The following POFUT2 variants were observed in gnomAD, a reference collection of about 807,000 sequenced individuals.
POFUT2 encodes GDP-fucose protein O-fucosyltransferase 2.
POFUT2 carries 30 observed loss-of-function variants against 55.0 expected under a neutral mutation model. That is an observed-to-expected ratio of 0.55 (90% CI 0.41 to 0.74). The LOEUF (loss-of-function observed/expected upper bound fraction) is 0.74. Ranked by LOEUF, POFUT2 falls within the 30% of genes least tolerant of loss-of-function variation. POFUT2 has a pLI of 0.00. For synonymous variants in POFUT2, 267 were observed against 231.1 expected, an observed-to-expected ratio of 1.16 and a Z score of -1.41; for missense variants, 524 against 562.6, an observed-to-expected ratio of 0.93 and a Z score of 0.69.
rs890371332 is a variant in POFUT2, at chr21:45,264,515, G to C, written c.*967C>G. ...GATTTCTGTAAAATGGGTACAAGGA[G>C]CTCCCTGATAAAGCAGCTCATCCTA... On this transcript the variant is annotated 3_prime_UTR_variant, in exon 9 of 9. Coordinates refer to ENST00000349485, the MANE Select transcript of POFUT2 (RefSeq NM_133635.6). 5 of 152,238 alleles carry C rather than the reference G, an allele frequency of 3.3e-5. No homozygotes were observed. Among genetic ancestry groups the C allele is most frequent in the African/African-American group, 1.2e-4 (5 of 41,436 alleles). The allele number at this position is 152,238 out of a possible 1,614,324, so 9.4% of individuals were successfully genotyped here.
chr21:45,283,029 A>G, intron 3 of POFUT2: 1 of 418,718 alleles, frequency 2.4e-6, no homozygotes, highest in Non-Finnish European at 4.9e-6. Flanking sequence ...TCCAGGCCTC[A>G]GCACAAAGGG....
chr21:45,286,436 T>C (rs1054573222), intron 1 of POFUT2, among the ~76,000 whole-genome samples: 2 of 152,284 alleles, frequency 1.3e-5, no homozygotes, highest in African/African-American at 2.4e-5. Flanking sequence ...ATGTTCTTAA[T>C]TTTTGCAAAT....
Position 45,282,274 on chromosome 21 carries a change from A to C in POFUT2, c.638+75T>G. The C allele has an allele frequency of 1.0e-6, 1 of 954,112 alleles. No individual in the cohort carries two copies. The highest frequency in any genetic ancestry group is 1.7e-6 in the Non-Finnish European group (1 of 599,858). The allele number at this position is 954,112 out of a possible 1,614,324, so 59.1% of individuals were successfully genotyped here. A position where few individuals can be genotyped will look rare whatever the true frequency, so the allele number is the denominator to read the frequency against. ...GCCAGGGATGCGGGAGTATGGGCGG[A>C]GAGCCCCCAGCCCAGCATGCACGGA... On this transcript the variant is annotated intron_variant, in intron 4 of 8. Transcript: ENST00000349485. This position sits in a 1 kb window ranked among gnomAD's most constrained non-coding sequence, Gnocchi z 4.6.
At position 45,282,214 on chromosome 21, in the gene POFUT2, G is replaced by C. The variant is rs1432887844; in HGVS notation, c.638+135C>G. On this transcript the variant is annotated intron_variant, in intron 4 of 8. Transcript: ENST00000349485. The surrounding 1 kb of genome is among the most constrained non-coding windows in gnomAD (Gnocchi z 4.6). ...GCACTTCCCTAACCACCACCCCCCA[G>C]GGCCCCCAGGGTCCGCTGTCTGTGA... 4.6e-6 allele frequency: 3 copies of C among 647,086 alleles called. No individual in the cohort carries two copies. Among genetic ancestry groups the C allele is most frequent in the Non-Finnish European group, 8.1e-6 (3 of 368,810 alleles). 40.1% of individuals were successfully genotyped at this position (647,086 alleles called of 1,614,324 possible).
At chr21:45,272,953 G>GAA (rs771621285) in intron 6 of POFUT2, among the ~76,000 whole-genome samples, 3 of 152,024 alleles carry the variant, frequency 2.0e-5, no homozygotes, top group Non-Finnish European at 4.4e-5. Context: ...AAATCTGAAA[G>GAA]AGCACAGACA....
At position 45,282,709 on chromosome 21, in the gene POFUT2, C is replaced by T. The variant is rs2030838214; in HGVS notation, c.528-250G>A. Reference sequence around the variant, plus strand: ...GGGGCTGGCGGGATGGCCGGGGAGGCAGAGGGAGCCGGACAGAGGCAGCCC... The same window carrying T: ...GGGGCTGGCGGGATGGCCGGGGAGGTAGAGGGAGCCGGACAGAGGCAGCCC... On this transcript the variant is annotated intron_variant, in intron 3 of 8. Coordinates refer to ENST00000349485, the MANE Select transcript of POFUT2 (RefSeq NM_133635.6). The surrounding 1 kb of genome is among the most constrained non-coding windows in gnomAD (Gnocchi z 4.6). 1 of 541,932 alleles carries T rather than the reference C, an allele frequency of 1.8e-6. No individual in the cohort carries two copies. Among genetic ancestry groups the T allele is most frequent in the Non-Finnish European group, 3.5e-6 (1 of 288,002 alleles). 33.6% of individuals were successfully genotyped at this position (541,932 alleles called of 1,614,324 possible). A position where few individuals can be genotyped will look rare whatever the true frequency, so the allele number is the denominator to read the frequency against.
In POFUT2 at chr21:45,286,148, T is replaced by G. The variant is rs1482183328; in HGVS notation, c.132-220A>C. Among the ~76,000 whole-genome samples, 9 of 152,202 alleles carry G rather than the reference T, an allele frequency of 5.9e-5. No homozygotes were observed. In the East Asian group the frequency reaches 1.7e-3, roughly 29 times the overall value. ...CTAACATCGTTTTAACAATTAGCAA[T>G]AGTTCAACACTAAGGCAGAGGAATC... On this transcript the variant is annotated intron_variant, in intron 1 of 8. Transcript: ENST00000349485.
rs780011745 is a variant in POFUT2, at chr21:45,267,477, A to C, written c.1136+113T>G. 3 of 1,614,046 alleles carry C rather than the reference A, an allele frequency of 1.9e-6. No homozygotes were observed. In the African/African-American group the frequency reaches 4.0e-5, roughly 22 times the overall value. On this transcript the variant is annotated intron_variant, in intron 8 of 8. Coordinates refer to ENST00000349485, the MANE Select transcript of POFUT2 (RefSeq NM_133635.6). This position sits in a 1 kb window ranked among gnomAD's most constrained non-coding sequence, Gnocchi z 4.4. ...CAGACGAGGAGGCAAACAGTATGGA[A>C]ATGACCACTGTGAACACAGGCGACC... is the stretch of plus-strand genomic sequence containing the variant.
At position 45,267,048 on chromosome 21, in the gene POFUT2, T is replaced by C; in HGVS notation, c.1136+542A>G. On this transcript the variant is annotated intron_variant, in intron 8 of 8. Coordinates refer to ENST00000349485, the MANE Select transcript of POFUT2 (RefSeq NM_133635.6). This position sits in a 1 kb window ranked among gnomAD's most constrained non-coding sequence, Gnocchi z 4.4. ...GCTCACGGCAGCCCCACGAGAATGA[T>C]CACACGAGGGCCCACGCTCCCGGCC... is the stretch of plus-strand genomic sequence containing the variant. 9.5e-7 allele frequency: 1 copy of C among 1,056,852 alleles called. No individual in the cohort carries two copies. Among genetic ancestry groups the C allele is most frequent in the South Asian group, 2.9e-5 (1 of 34,576 alleles). 65.5% of individuals were successfully genotyped at this position (1,056,852 alleles called of 1,614,324 possible).
In POFUT2 at chr21:45,282,805, T is replaced by G. The variant is rs2030851888; in HGVS notation, c.528-346A>C. On this transcript the variant is annotated intron_variant, in intron 3 of 8. Coordinates refer to ENST00000349485, the MANE Select transcript of POFUT2 (RefSeq NM_133635.6). The surrounding 1 kb of genome is among the most constrained non-coding windows in gnomAD (Gnocchi z 4.6). ...ACCGCGCCCTTCCCAAGAGCTCACC[T>G]GCCATGCTTTAGAGCCAGCTGCCCT... 1 of 493,452 alleles carries G rather than the reference T, an allele frequency of 2.0e-6. No homozygotes were observed. Among genetic ancestry groups the G allele is most frequent in the Non-Finnish European group, 4.1e-6 (1 of 242,842 alleles). The allele number at this position is 493,452 out of a possible 1,614,324, so 30.6% of individuals were successfully genotyped here.
In POFUT2 at chr21:45,265,943, A is replaced by G. The variant is rs2093149671; in HGVS notation, c.1137-308T>C. 1 of 1,264,476 alleles carries G rather than the reference A, an allele frequency of 7.9e-7. No homozygotes were observed. Among genetic ancestry groups the G allele is most frequent in the African/African-American group, 1.5e-5 (1 of 65,496 alleles). 78.3% of individuals were successfully genotyped at this position (1,264,476 alleles called of 1,614,324 possible). On this transcript the variant is annotated intron_variant, in intron 8 of 8. Coordinates refer to ENST00000349485, the MANE Select transcript of POFUT2 (RefSeq NM_133635.6). The surrounding 1 kb of genome is among the most constrained non-coding windows in gnomAD (Gnocchi z 4.6). ...CTGGGAGCCCTCCTCTCCGTCACCAAATCCCAGGCCAGGCACGCCAGTGCA... is the reference window on the plus strand; with the variant it reads ...CTGGGAGCCCTCCTCTCCGTCACCAGATCCCAGGCCAGGCACGCCAGTGCA...
In POFUT2 at chr21:45,285,748, C is replaced by A. The variant is rs932962360; in HGVS notation, c.312G>T (p.Trp104Cys). The A allele has an allele frequency of 1.9e-6, 3 of 1,613,734 alleles. No homozygotes were observed. Residue 104 changes from tryptophan to cysteine, a missense_variant, in exon 2 of 9, where the codon TGG becomes TGT. Around this residue, in one of 2 missense-constraint regions of POFUT2, gnomAD observed 274 missense variants for 244.4 expected, o/e 1.12. Coordinates refer to ENST00000349485, the MANE Select transcript of POFUT2 (RefSeq NM_133635.6). The surrounding 1 kb of genome is among the most constrained non-coding windows in gnomAD (Gnocchi z 4.9). ...SPDIHQVRIPWSEFFDLPSLN... is the reference protein window; with the variant it reads ...SPDIHQVRIPCSEFFDLPSLN... ...GACTTGGAAGATCAAAAAACTCAGACCAGGGAATCCGGACCTGGTGGATGT... is the reference window on the plus strand; with the variant it reads ...GACTTGGAAGATCAAAAAACTCAGAACAGGGAATCCGGACCTGGTGGATGT...
intron 2 of POFUT2, 122 bp from the exon 3 acceptor site, chr21:45,283,649 T>A: frequency 9.7e-7 from 1 of 1,029,122 alleles, no homozygotes; most frequent in African/African-American, 1.6e-5. Flanking sequence ...AAAGGGAGTG[T>A]AGGAGGCTCA....
intron 6 of POFUT2, among the ~76,000 whole-genome samples, chr21:45,272,511 C>A (rs1368946607): frequency 6.6e-6 from 1 of 152,202 alleles, no homozygotes; most frequent in Non-Finnish European, 1.5e-5. Context: ...GACAGAAAGC[C>A]AACAAAGAAA....
intron 1 of POFUT2, among the ~76,000 whole-genome samples, 200 bp from the exon 2 acceptor site, chr21:45,286,128 A>G (rs1301699932): frequency 6.6e-6 from 1 of 152,240 alleles, no homozygotes; most frequent in East Asian, 1.9e-4. Context: ...ACATGCTAAC[A>G]TCGTTTTAAC....
Position 45,267,805 on chromosome 21 carries a change from T to C in POFUT2, c.1013-92A>G. 1 of 1,143,776 alleles carries C rather than the reference T, an allele frequency of 8.7e-7. No homozygotes were observed. 70.9% of individuals were successfully genotyped at this position (1,143,776 alleles called of 1,614,324 possible). ...AGCAGACAGACATGCGTACTTGGCT[T>C]CTGGTTAATTCGTTAGGAACTGGCT... On this transcript the variant is annotated intron_variant, in intron 7 of 8. Coordinates refer to ENST00000349485, the MANE Select transcript of POFUT2 (RefSeq NM_133635.6). This position sits in a 1 kb window ranked among gnomAD's most constrained non-coding sequence, Gnocchi z 4.4.
Position 45,270,086 on chromosome 21 carries a change from G to A in POFUT2, c.832-67C>T. Reference sequence around the variant, plus strand: ...GCTCGGGGCTCATCCTGGGCACCGGGTGGGACTCGAGACGCAGAGGGATGA... The same window carrying A: ...GCTCGGGGCTCATCCTGGGCACCGGATGGGACTCGAGACGCAGAGGGATGA... On this transcript the variant is annotated intron_variant, in intron 6 of 8. Transcript: ENST00000349485. The surrounding 1 kb of genome is among the most constrained non-coding windows in gnomAD (Gnocchi z 4.6). The A allele has an allele frequency of 8.2e-6, 11 of 1,334,328 alleles. No individual in the cohort carries two copies. The highest frequency in any genetic ancestry group is 1.1e-5 in the Non-Finnish European group (11 of 1,003,480). 82.7% of individuals were successfully genotyped at this position (1,334,328 alleles called of 1,614,324 possible). A position where few individuals can be genotyped will look rare whatever the true frequency, so the allele number is the denominator to read the frequency against.
At chr21:45,268,250 G>T (rs1343274033) in intron 7 of POFUT2, among the ~76,000 whole-genome samples, 1 of 152,278 alleles carries the variant, frequency 6.6e-6, no homozygotes, top group Non-Finnish European at 1.5e-5. Flanking sequence ...CTCCCGAGGT[G>T]CTGGGATTGC....
At position 45,267,339 on chromosome 21, in the gene POFUT2, C is replaced by A; in HGVS notation, c.1136+251G>T. The A allele has an allele frequency of 6.6e-7, 1 of 1,525,266 alleles. No individual in the cohort carries two copies. Among genetic ancestry groups the A allele is most frequent in the South Asian group, 1.3e-5 (1 of 76,396 alleles). 94.5% of individuals were successfully genotyped at this position (1,525,266 alleles called of 1,614,324 possible). A position where few individuals can be genotyped will look rare whatever the true frequency, so the allele number is the denominator to read the frequency against. On this transcript the variant is annotated intron_variant, in intron 8 of 8. Coordinates refer to ENST00000349485, the MANE Select transcript of POFUT2 (RefSeq NM_133635.6). The surrounding 1 kb of genome is among the most constrained non-coding windows in gnomAD (Gnocchi z 4.4). ...CACAAGAAGAGGTTCTGAGACGAGG[C>A]CAGCTATGCCAACAGCCTGCTATGG...
Sources: allele counts gnomAD v4.1 joint callset (sites outside exome capture counted in the v4.1 genomes callset), GRCh38; gene constraint gnomAD v4.1.1; regional missense constraint gnomAD v4.1.1; non-coding constraint Gnocchi (gnomAD v3.1); transcripts MANE v1.5; gene names NCBI Gene and HGNC (gene_info 2026-07-23, HGNC 2026-07-21).